The following BANP variants were observed in gnomAD, a reference collection of about 807,000 sequenced individuals.
BANP encodes the protein BTG3 associated nuclear protein.
A neutral mutation model predicts 68.1 loss-of-function variants in BANP; 11 were observed. The ratio of observed to expected loss-of-function variants is 0.16; its 90% confidence interval spans 0.10 to 0.27. BANP has a LOEUF of 0.27. Ranked by LOEUF, BANP falls within the 10% of genes least tolerant of loss-of-function variation. The pLI, the probability that BANP is intolerant of heterozygous loss-of-function variation, is 1.00. For synonymous variants in BANP, 329 were observed against 303.2 expected (o/e 1.09, Z -0.88); for missense variants, 504 against 722.7 (o/e 0.70, Z 3.47).
chr16:88,025,848 AT>A (rs1242925701), intron 7 of BANP, among the ~76,000 whole-genome samples: 2 of 152,178 alleles, frequency 1.3e-5, no homozygotes, highest in Non-Finnish European at 2.9e-5. Context: ...TTTCAGCTTA[AT>A]CTTTTTATTA....
intron 11 of BANP, among the ~76,000 whole-genome samples, chr16:88,050,153 G>T (rs8055890): frequency 0.25 from 38,162 of 151,810 alleles, 6,069 homozygotes; most frequent in African/African-American, 0.45. Context: ...ATGCTATCTA[G>T]CTAGCTAGCC....
intron 11 of BANP, among the ~76,000 whole-genome samples, chr16:88,052,386 G>C (rs779865468): frequency 2.0e-5 from 3 of 152,114 alleles, no homozygotes; most frequent in Non-Finnish European, 2.9e-5. Flanking sequence ...GAAGAGAAAT[G>C]AGATTAAATT....
intron 11 of BANP, among the ~76,000 whole-genome samples, chr16:88,044,534 G>C (rs1022060393): frequency 6.6e-6 from 1 of 152,146 alleles, no homozygotes; most frequent in Admixed American, 6.5e-5. Flanking sequence ...ATGACACATT[G>C]CATTGATTTT....
chr16:88,031,570 A>G (rs1025417723), intron 8 of BANP, among the ~76,000 whole-genome samples: 1 of 151,460 alleles, frequency 6.6e-6, no homozygotes, highest in Non-Finnish European at 1.5e-5. Context: ...AATCGCTTGA[A>G]CTTGGGAGGC....
intron 9 of BANP, among the ~76,000 whole-genome samples, chr16:88,034,546 A>G (rs2078893957): frequency 6.6e-6 from 1 of 152,084 alleles, no homozygotes; most frequent in South Asian, 2.1e-4. Context: ...TTTGATTTGA[A>G]AAACGTTGCC....
At chr16:88,019,435 A>T (rs2075372140) in intron 7 of BANP, among the ~76,000 whole-genome samples, 1 of 151,864 alleles carries the variant, frequency 6.6e-6, no homozygotes, top group Non-Finnish European at 1.5e-5. Context: ...GGCCTCCGGC[A>T]ATCTGGGCTC....
At chr16:87,991,989 G>A (rs2065985694) in intron 4 of BANP, among the ~76,000 whole-genome samples, 1 of 152,166 alleles carries the variant, frequency 6.6e-6, no homozygotes, top group Non-Finnish European at 1.5e-5. Flanking sequence ...GATGTTACCA[G>A]TACATTTTTC....
At chr16:87,970,294 G>A (rs905641479) in intron 1 of BANP, 1 of 152,226 alleles carries the variant, frequency 6.6e-6, no homozygotes, top group Admixed American at 6.5e-5. Context: ...AGCTTAATTA[G>A]ATTCAGCATT....
chr16:87,956,051 A>G (rs2057986001), intron 1 of BANP, among the ~76,000 whole-genome samples: 1 of 152,102 alleles, frequency 6.6e-6, no homozygotes, highest in South Asian at 2.1e-4. Context: ...GGCTCCAGGC[A>G]CAGGTGCTGG....
chr16:88,017,742 C>T (rs1376450649), intron 6 of BANP, among the ~76,000 whole-genome samples: 1 of 152,226 alleles, frequency 6.6e-6, no homozygotes, highest in Non-Finnish European at 1.5e-5. Context: ...TGTCTGGGCA[C>T]CGTGTCTCCT....
intron 12 of BANP, among the ~76,000 whole-genome samples, chr16:88,065,806 C>T (rs2065072535): frequency 6.6e-6 from 1 of 152,080 alleles, no homozygotes; most frequent in South Asian, 2.1e-4. Flanking sequence ...AGGTAGAGCA[C>T]AAGGAAAGCG....
chr16:88,034,327 G>A (rs1342619191), intron 9 of BANP, among the ~76,000 whole-genome samples: 1 of 152,166 alleles, frequency 6.6e-6, no homozygotes, highest in Non-Finnish European at 1.5e-5. Flanking sequence ...TTGTCATAAG[G>A]CTTACATAGA....
At chr16:87,990,845 C>T (rs978952749) in intron 4 of BANP, among the ~76,000 whole-genome samples, 7 of 152,182 alleles carry the variant, frequency 4.6e-5, no homozygotes, top group African/African-American at 1.7e-4. Context: ...TCACTGCAAC[C>T]TCCGCCTCCC....
In BANP at chr16:87,975,257, A is replaced by G. The variant is rs77936103; in HGVS notation, c.70+72A>G. ...TCAAAAACCAAAAGCTGCTCCAGTT[A>G]TTTTCTTTCCTTTAAGCAGAAGAAA... On this transcript the variant is annotated intron_variant, in intron 2 of 13. Transcript: ENST00000682872. 3.2e-4 allele frequency: 475 copies of G among 1,479,334 alleles called. 12 individuals are homozygous for G. The East Asian group carries it at 0.011, about 33-fold the overall frequency. The allele number at this position is 1,479,334 out of a possible 1,614,324, so 91.6% of individuals were successfully genotyped here.
intron 11 of BANP, among the ~76,000 whole-genome samples, chr16:88,046,406 C>T (rs1002460691): frequency 1.3e-5 from 2 of 152,180 alleles, no homozygotes; most frequent in Admixed American, 6.5e-5. Context: ...CATTCTTTCA[C>T]GTGAATTAAA....
In BANP at chr16:88,027,562, G is replaced by C; in HGVS notation, c.975G>C (p.Thr325=). The change falls in exon 8 of 14, where the codon ACG becomes ACC. Residue 325 remains threonine, a synonymous_variant. Coordinates refer to ENST00000682872, the MANE Select transcript of BANP (RefSeq NM_001386991.1). ...IKQSIDSKCR[T]AWRRKQRGQS... is the part of the protein sequence containing the mutation. Reference sequence around the variant, plus strand: ...AGAGCATCGACTCCAAGTGCCGCACGGCGTGGCGGCGCAAGCAGCGGGGCC... The same window carrying C: ...AGAGCATCGACTCCAAGTGCCGCACCGCGTGGCGGCGCAAGCAGCGGGGCC... 1 of 1,613,832 alleles carries C rather than the reference G, an allele frequency of 6.2e-7. No homozygotes were observed. Among genetic ancestry groups the C allele is most frequent in the South Asian group, 1.1e-5 (1 of 91,080 alleles).
In BANP at chr16:88,033,323, C is replaced by G. The variant is rs55945428; in HGVS notation, c.1200+78C>G. The G allele has an allele frequency of 6.7e-5, 93 of 1,378,772 alleles. No individual in the cohort carries two copies. The African/African-American group carries it at 1.2e-3, about 17-fold the overall frequency. The allele number at this position is 1,378,772 out of a possible 1,614,324, so 85.4% of individuals were successfully genotyped here. On this transcript the variant is annotated intron_variant, in intron 9 of 13. Coordinates refer to ENST00000682872, the MANE Select transcript of BANP (RefSeq NM_001386991.1). ...ACGGCAGGGCCATGGCGGCTTCCAC[C>G]GGTTCCGCTGTGTTTTGGGAGCACA...
At chr16:87,963,700 T>C (rs1212660111) in intron 1 of BANP, among the ~76,000 whole-genome samples, 1 of 152,210 alleles carries the variant, frequency 6.6e-6, no homozygotes, top group African/African-American at 2.4e-5. Flanking sequence ...TAATGATGCA[T>C]GTGATGTGGC....
intron 4 of BANP, among the ~76,000 whole-genome samples, chr16:87,994,417 C>T (rs1194388886): frequency 6.6e-6 from 1 of 152,206 alleles, no homozygotes; most frequent in African/African-American, 2.4e-5. Flanking sequence ...AGATCAGGAG[C>T]CTCTCAAAGC....
Sources: allele counts gnomAD v4.1 joint callset (sites outside exome capture counted in the v4.1 genomes callset), GRCh38; gene constraint gnomAD v4.1.1; transcripts MANE v1.5; gene names NCBI Gene and HGNC (gene_info 2026-07-23, HGNC 2026-07-21).